The following INPP5F variants were observed in gnomAD, a reference collection of about 807,000 sequenced individuals.
The protein encoded by INPP5F is phosphatidylinositide 4-phosphatase SAC2.
Under a neutral mutation model 137.2 loss-of-function variants are expected in INPP5F, and 97 were observed. The observed-to-expected ratio is 0.71, with a 90% CI of 0.60 to 0.84. The LOEUF (loss-of-function observed/expected upper bound fraction) is 0.84, where lower values mean the gene tolerates loss of function less well. Ranked by LOEUF, INPP5F falls within the 40% of genes least tolerant of loss-of-function variation. The pLI is 0.00. For synonymous variants in INPP5F, 504 were observed against 476.9 expected, an observed-to-expected ratio of 1.06 and a Z score of -0.74; for missense variants, 1,271 against 1,371.9, an observed-to-expected ratio of 0.93 and a Z score of 1.16.
intron 19 of INPP5F, among the ~76,000 whole-genome samples, chr10:119,824,669 G>A (rs928598538): frequency 8.5e-5 from 13 of 152,146 alleles, no homozygotes; most frequent in Non-Finnish European, 7.3e-5. Context: ...TTGAGACTAT[G>A]TAAATATTGT....
intron 2 of INPP5F, among the ~76,000 whole-genome samples, chr10:119,774,263 A>G (rs1443295987): frequency 2.0e-5 from 1 of 50,910 alleles, no homozygotes; most frequent in South Asian, 1.8e-3. Context: ...TCAGTCTCCA[A>G]AAAAAAAAAA....
chr10:119,739,064 A>G (rs1848300786), intron 1 of INPP5F, among the ~76,000 whole-genome samples: 1 of 151,810 alleles, frequency 6.6e-6, no homozygotes, highest in Admixed American at 6.6e-5. Flanking sequence ...GTGTGCCTGT[A>G]TTCCCAGCTA....
At chr10:119,771,882 A>ATTTTT (rs544724525) in intron 2 of INPP5F, among the ~76,000 whole-genome samples, 1 of 24,166 alleles carries the variant, frequency 4.1e-5, no homozygotes, top group South Asian at 2.5e-3. Context: ...ATATATATAT[A>ATTTTT]TTTTTTTTTT....
Position 119,826,941 on chromosome 10 carries a change from GATA to G in INPP5F, c.2563_2565del (p.Asn855del), listed in dbSNP as rs761942371. 2.2e-4 allele frequency: 348 copies of G among 1,613,996 alleles called. No homozygotes were observed. Among genetic ancestry groups the G allele is most frequent in the Non-Finnish European group, 2.8e-4 (330 of 1,179,956 alleles). ...AGAGTCTGATGGGGACATGTCTTCA[GATA>G]ATGACTCATACCACTCTGATGAATT... is the stretch of plus-strand genomic sequence containing the variant. On this transcript the variant is annotated inframe_deletion, in exon 20 of 20. Transcript: ENST00000650623.
chr10:119,777,691 C>T lies in INPP5F; in HGVS notation c.179-3944C>T, dbSNP rs551704798. On this transcript the variant is annotated intron_variant, in intron 2 of 19. Coordinates refer to ENST00000650623, the MANE Select transcript of INPP5F (RefSeq NM_014937.4). ...TTTACATGTTAGGTTTGTTACCAAG[C>T]ACCTAAAGGGTAATGTTTCACATAA... 2.6e-5 allele frequency among the ~76,000 whole-genome samples: 4 copies of T among 152,254 alleles called. No homozygotes were observed. In the South Asian group the frequency reaches 8.3e-4, roughly 32 times the overall value.
Position 119,811,919 on chromosome 10 carries a change from TC to T in INPP5F, c.1852del (p.His618MetfsTer44). ...MKLLLPDDEK[F>X]HGGWALIDCD... Reference sequence around the variant, plus strand: ...TTACTACTGCCTGATGATGAGAAGTTCCATGGGGGCTGGGCCCTCATTGACT... The same window carrying T: ...TTACTACTGCCTGATGATGAGAAGTTCATGGGGGCTGGGCCCTCATTGACT... On this transcript the variant is annotated frameshift_variant, in exon 15 of 20. Coordinates refer to ENST00000650623, the MANE Select transcript of INPP5F (RefSeq NM_014937.4). LOFTEE classifies it high-confidence loss of function. 6.2e-7 allele frequency: 1 copy of T among 1,614,188 alleles called. No homozygotes were observed. Among genetic ancestry groups the T allele is most frequent in the Non-Finnish European group, 8.5e-7 (1 of 1,180,024 alleles).
At chr10:119,768,358 TAAG>T (rs1205884559) in intron 2 of INPP5F, 1 of 152,180 alleles carries the variant, frequency 6.6e-6, no homozygotes, top group Non-Finnish European at 1.5e-5. Context: ...GTGTCTGCAC[TAAG>T]TTTGACATCA....
rs546115025 is a variant in INPP5F at position 119,758,290 on chromosome 10, C to T, written c.178+7134C>T. Reference sequence around the variant, plus strand: ...TGGTGCTCCTGGATGGAAAGCATCTCACACGGACAGGGCCAGGGGTGGGAG... The same window carrying T: ...TGGTGCTCCTGGATGGAAAGCATCTTACACGGACAGGGCCAGGGGTGGGAG... On this transcript the variant is annotated intron_variant, in intron 2 of 19. Coordinates refer to ENST00000650623, the MANE Select transcript of INPP5F (RefSeq NM_014937.4). Among the ~76,000 whole-genome samples the T allele has an allele frequency of 3.9e-5, 6 of 152,248 alleles. No individual in the cohort carries two copies. The South Asian group carries it at 1.2e-3, about 32-fold the overall frequency.
chr10:119,763,541 C>G (rs894364849), intron 2 of INPP5F, among the ~76,000 whole-genome samples: 3 of 152,212 alleles, frequency 2.0e-5, no homozygotes, highest in African/African-American at 7.2e-5. Context: ...GATAGCCATC[C>G]TTCATTCCTT....
Position 119,827,349 on chromosome 10 carries a change from C to A in INPP5F, c.2968C>A (p.Gln990Lys). 1 of 1,614,164 alleles carries A rather than the reference C, an allele frequency of 6.2e-7. No individual in the cohort carries two copies. Among genetic ancestry groups the A allele is most frequent in the South Asian group, 1.1e-5 (1 of 91,080 alleles). The change falls in exon 20 of 20, where the codon CAA becomes AAA. Residue 990 changes from glutamine (Q) to lysine (K), a missense_variant. Physicochemically the swap from Gln to Lys is moderately conservative, Grantham distance 53 (BLOSUM62 1). Around this residue, in one of 6 missense-constraint regions of INPP5F, gnomAD observed 490 missense variants for 443.7 expected, o/e 1.10. Coordinates refer to ENST00000650623, the MANE Select transcript of INPP5F (RefSeq NM_014937.4). ...VSQQASQERN[Q>K]MTNQVSNETQ... Reference sequence around the variant, plus strand: ...TCAGCAGGCTAGTCAGGAAAGAAATCAAATGACCAATCAAGTTTCAAATGA... The same window carrying A: ...TCAGCAGGCTAGTCAGGAAAGAAATAAAATGACCAATCAAGTTTCAAATGA...
intron 6 of INPP5F, among the ~76,000 whole-genome samples, chr10:119,795,323 G>A (rs1276918061): frequency 6.6e-6 from 1 of 151,460 alleles, no homozygotes; most frequent in African/African-American, 2.4e-5. Context: ...TTCCCAGACG[G>A]GGTGGCTGCT....
At chr10:119,770,147 T>A (rs1849295429) in intron 2 of INPP5F, among the ~76,000 whole-genome samples, 1 of 152,176 alleles carries the variant, frequency 6.6e-6, no homozygotes, top group South Asian at 2.1e-4. Flanking sequence ...TTTATCTTGC[T>A]GGGGAAGTCA....
In INPP5F at chr10:119,757,204, A is replaced by T. The variant is rs186154701; in HGVS notation, c.178+6048A>T. ...ATTCTCCTGCCTCAGCCTCCTGAGT[A>T]GCTGGGATTACAGGCATGCGTCACC... is the stretch of plus-strand genomic sequence containing the variant. On this transcript the variant is annotated intron_variant, in intron 2 of 19. Coordinates refer to ENST00000650623, the MANE Select transcript of INPP5F (RefSeq NM_014937.4). Among the ~76,000 whole-genome samples, 490 of 152,020 alleles carry T rather than the reference A, an allele frequency of 3.2e-3. 1 individual carries two copies. Among genetic ancestry groups the T allele is most frequent in the Non-Finnish European group, 4.9e-3 (331 of 67,984 alleles).
intron 2 of INPP5F, among the ~76,000 whole-genome samples, chr10:119,780,177 A>G (rs1161770842): frequency 2.6e-5 from 4 of 152,204 alleles, no homozygotes; most frequent in Non-Finnish European, 5.9e-5. Context: ...TGACTGAAAC[A>G]TCATTATGTG....
intron 10 of INPP5F, among the ~76,000 whole-genome samples, chr10:119,804,537 G>A (rs1850700377): frequency 6.6e-6 from 1 of 152,058 alleles, no homozygotes; most frequent in African/African-American, 2.4e-5. Flanking sequence ...TGGAGATGTG[G>A]AGTTCCCTTT....
At chr10:119,825,997 G>A in intron 19 of INPP5F, 1 of 398,514 alleles carries the variant, frequency 2.5e-6, no homozygotes, top group Non-Finnish European at 4.4e-6. Flanking sequence ...ATTGTTAAAT[G>A]TCCCAAATCT....
chr10:119,728,552 C>T (rs1303696894), intron 1 of INPP5F, among the ~76,000 whole-genome samples: 1 of 152,156 alleles, frequency 6.6e-6, no homozygotes, highest in Non-Finnish European at 1.5e-5. Context: ...GAATAGATTA[C>T]TAAGTCCTTT....
At chr10:119,769,603 C>T (rs1849276795) in intron 2 of INPP5F, among the ~76,000 whole-genome samples, 1 of 152,224 alleles carries the variant, frequency 6.6e-6, no homozygotes, top group East Asian at 1.9e-4. Context: ...AGCATCATCC[C>T]GTCTGTTGAG....
intron 9 of INPP5F, 106 bp from the exon 10 acceptor site, chr10:119,804,067 C>A: frequency 2.7e-6 from 2 of 752,718 alleles, no homozygotes; most frequent in Non-Finnish European, 2.0e-6. Context: ...ACACATAATT[C>A]CAAATTATTA....
Sources: allele counts gnomAD v4.1 joint callset (sites outside exome capture counted in the v4.1 genomes callset), GRCh38; gene constraint gnomAD v4.1.1; regional missense constraint gnomAD v4.1.1; transcripts MANE v1.5; gene names NCBI Gene and HGNC (gene_info 2026-07-23, HGNC 2026-07-21).